MAPK9: variants seen among roughly 807,000 people sequenced by gnomAD.
MAPK9 encodes Jun kinase.
A neutral mutation model predicts 57.1 loss-of-function variants in MAPK9; 30 were observed. The observed-to-expected ratio is 0.53, with a 90% CI of 0.39 to 0.71. MAPK9 has a LOEUF of 0.71. Among genes scored for constraint, MAPK9 ranks in the 30% least tolerant of loss-of-function variants. The pLI is 0.00. For synonymous variants in MAPK9, 155 were observed against 177.0 expected, an observed-to-expected ratio of 0.88 and a Z score of 0.99; for missense variants, 362 against 521.0, an observed-to-expected ratio of 0.69 and a Z score of 2.97.
At position 180,243,624 on chromosome 5, in the gene MAPK9, T is replaced by C. The variant is rs1757830205; in HGVS notation, c.689-869A>G. The stretch of plus-strand genomic sequence containing the variant: ...CATGTCTTAGAAAAATGAACTTACA[T>C]CACCATGAAATAACCTAGGGAACTG... On this transcript the variant is annotated intron_variant, in intron 7 of 11. Transcript: ENST00000452135. Among the ~76,000 whole-genome samples, 3 of 152,150 alleles carry C rather than the reference T, an allele frequency of 2.0e-5. No individual in the cohort carries two copies. The South Asian group carries it at 6.2e-4, about 32-fold the overall frequency.
intron 5 of MAPK9, among the ~76,000 whole-genome samples, chr5:180,251,096 G>A (rs1434857623): frequency 6.6e-6 from 1 of 152,154 alleles, no homozygotes; most frequent in African/African-American, 2.4e-5. Flanking sequence ...CCCATTTTTA[G>A]TCTATCACTT....
chr5:180,267,404 T>C (rs1030044289), intron 3 of MAPK9, among the ~76,000 whole-genome samples: 1 of 151,022 alleles, frequency 6.6e-6, no homozygotes, highest in Non-Finnish European at 1.5e-5. Flanking sequence ...CTACTAAAAA[T>C]ACAAAAAATT....
At chr5:180,257,356 G>T (rs1365367991) in intron 5 of MAPK9, among the ~76,000 whole-genome samples, 2 of 152,212 alleles carry the variant, frequency 1.3e-5, no homozygotes, top group Non-Finnish European at 2.9e-5. Flanking sequence ...TATTTCTGTA[G>T]TAACAGGCTC....
At chr5:180,252,900 C>A (rs1051984518) in intron 5 of MAPK9, among the ~76,000 whole-genome samples, 1 of 152,206 alleles carries the variant, frequency 6.6e-6, no homozygotes, top group Admixed American at 6.5e-5. Context: ...CCTCTGTCTT[C>A]CAGATTTCCC....
chr5:180,238,805 C>T (rs763810561), intron 10 of MAPK9, among the ~76,000 whole-genome samples: 1 of 152,042 alleles, frequency 6.6e-6, no homozygotes, highest in African/African-American at 2.4e-5. Context: ...GACAGGGTTT[C>T]GCTATGTTGG....
At chr5:180,255,796 G>T (rs1759218259) in intron 5 of MAPK9, among the ~76,000 whole-genome samples, 1 of 152,108 alleles carries the variant, frequency 6.6e-6, no homozygotes, top group Admixed American at 6.5e-5. Flanking sequence ...AAGGATCAAT[G>T]AAGAAAGAGC....
chr5:180,278,032 T>G (rs1471189519), intron 2 of MAPK9, among the ~76,000 whole-genome samples: 2 of 152,258 alleles, frequency 1.3e-5, no homozygotes, highest in Admixed American at 6.5e-5. Context: ...CTTATAGAGA[T>G]AAATACAATT....
intron 6 of MAPK9, among the ~76,000 whole-genome samples, chr5:180,248,138 G>A (rs937529687): frequency 5.9e-5 from 9 of 152,262 alleles, no homozygotes; most frequent in Non-Finnish European, 8.8e-5. Context: ...TGGCTTGCAG[G>A]ACTGCAGGTG....
At position 180,265,419 on chromosome 5, in the gene MAPK9, G is replaced by A. The variant is rs34097602; in HGVS notation, c.253-580C>T. Among the ~76,000 whole-genome samples the A allele has an allele frequency of 4.4e-3, 674 of 152,280 alleles. 5 individuals carry two copies. The highest frequency in any genetic ancestry group is 0.015 in the African/African-American group (623 of 41,554). On this transcript the variant is annotated intron_variant, in intron 3 of 11. Transcript: ENST00000452135. ...CCTGGTGGGAGGTGACTGGATCATG[G>A]GGGCGGTTTCCCCCGTGCTGTTCTT... is the stretch of plus-strand genomic sequence containing the variant.
At chr5:180,268,162 A>G (rs1760870200) in intron 3 of MAPK9, among the ~76,000 whole-genome samples, 1 of 152,196 alleles carries the variant, frequency 6.6e-6, no homozygotes, top group Non-Finnish European at 1.5e-5. Flanking sequence ...CGTTATCAAC[A>G]TAATGCTCAG....
intron 5 of MAPK9, among the ~76,000 whole-genome samples, chr5:180,259,049 A>C (rs1334657457): frequency 6.8e-6 from 1 of 147,208 alleles, no homozygotes; most frequent in Non-Finnish European, 1.5e-5. Flanking sequence ...AAAAAAAAAA[A>C]TGTGGTAACA....
chr5:180,247,433 G>C lies in MAPK9; in HGVS notation c.688+6C>G. The C allele has an allele frequency of 6.2e-7, 1 of 1,614,186 alleles. No homozygotes were observed. Among genetic ancestry groups the C allele is most frequent in the Non-Finnish European group, 8.5e-7 (1 of 1,180,038 alleles). On this transcript the variant is annotated splice_donor_region_variant and intron_variant, in intron 7 of 11. Transcript: ENST00000452135. This position sits in a 1 kb window ranked among gnomAD's most constrained non-coding sequence, Gnocchi z 4.5. ...ATGGCGGGGCCAAGGTCGCGGGGAA[G>C]GATACGGTCAGTGCCTTGGAATATC...
At chr5:180,290,468 T>C (rs905453364) in intron 1 of MAPK9, among the ~76,000 whole-genome samples, 1 of 152,228 alleles carries the variant, frequency 6.6e-6, no homozygotes, top group South Asian at 2.1e-4. Flanking sequence ...ACTGGGCTCC[T>C]GGGCTCTCTC....
Position 180,247,552 on chromosome 5 carries a change from A to G in MAPK9, c.617-42T>C. The stretch of plus-strand genomic sequence containing the variant: ...ATGATAAAATTATGAAGTGCCATGA[A>G]CAAAACAAAAGTGAGGAAAAGGAAT... On this transcript the variant is annotated intron_variant, in intron 6 of 11. Coordinates refer to ENST00000452135, the MANE Select transcript of MAPK9 (RefSeq NM_002752.5). This position sits in a 1 kb window ranked among gnomAD's most constrained non-coding sequence, Gnocchi z 4.5. The G allele has an allele frequency of 6.4e-7, 1 of 1,553,638 alleles. No individual in the cohort carries two copies. The highest frequency in any genetic ancestry group is 1.7e-5 in the Admixed American group (1 of 58,866).
At chr5:180,242,480 C>T (rs527621933) in intron 8 of MAPK9, 93 bp downstream of exon 8, 12 of 1,244,560 alleles carry the variant, frequency 9.6e-6, no homozygotes, top group Non-Finnish European at 1.3e-5. Context: ...GACTTTCTCT[C>T]CCAAAACACA....
rs1356052306 is a variant in MAPK9 at position 180,270,907 on chromosome 5, GAC to G, written c.123-1500_123-1499del. On this transcript the variant is annotated intron_variant, in intron 2 of 11. Transcript: ENST00000452135. ...AAAAGAAAAAAAGAATTTGAAAACA[GAC>G]ACACTTTTTTGGTATCAAAAGTTTT... Among the ~76,000 whole-genome samples, 4 of 147,606 alleles carry G rather than the reference GAC, an allele frequency of 2.7e-5. No individual in the cohort carries two copies. In the South Asian group the frequency reaches 8.9e-4, roughly 33 times the overall value.
chr5:180,253,359 A>C (rs1195866883), intron 5 of MAPK9: 1 of 152,458 alleles, frequency 6.6e-6, no homozygotes, highest in African/African-American at 2.4e-5. Flanking sequence ...GAAAAGCCCC[A>C]CGCTACAGGG....
intron 5 of MAPK9, among the ~76,000 whole-genome samples, chr5:180,249,513 C>A (rs1758455322): frequency 9.2e-6 from 1 of 108,622 alleles, no homozygotes; most frequent in Non-Finnish European, 2.0e-5. Flanking sequence ...TGCTAAGGTC[C>A]TCATGCTGTC....
intron 3 of MAPK9, among the ~76,000 whole-genome samples, chr5:180,268,778 G>A (rs1205411567): frequency 3.3e-5 from 5 of 150,930 alleles, no homozygotes; most frequent in Non-Finnish European, 5.9e-5. Flanking sequence ...AGCGAGCCAA[G>A]ATCCCACCAC....
Sources: allele counts gnomAD v4.1 joint callset (sites outside exome capture counted in the v4.1 genomes callset), GRCh38; gene constraint gnomAD v4.1.1; non-coding constraint Gnocchi (gnomAD v3.1); transcripts MANE v1.5; gene names NCBI Gene and HGNC (gene_info 2026-07-23, HGNC 2026-07-21).